Variants in ACACA observed in about 807,000 individuals in gnomAD.
The protein encoded by ACACA is acetyl-CoA carboxylase 1.
ACACA carries 103 observed loss-of-function variants against 296.1 expected under a neutral mutation model. That is an observed-to-expected ratio of 0.35 (90% CI 0.30 to 0.41). The LOEUF is 0.41. ACACA is among the 10% of genes least tolerant of loss of function. The pLI, the probability that ACACA is intolerant of heterozygous loss-of-function variation, is 1.00. For synonymous variants in ACACA, 953 were observed against 1,038.6 expected, an observed-to-expected ratio of 0.92 and a Z score of 1.58; for missense variants, 1,554 against 2,989.7, an observed-to-expected ratio of 0.52 and a Z score of 11.20.
chr17:37,238,918 C>T (rs1222528305), intron 24 of ACACA, among the ~76,000 whole-genome samples: 1 of 152,178 alleles, frequency 6.6e-6, no homozygotes, highest in Admixed American at 6.5e-5. Context: ...CCTTGAATCC[C>T]TGGGCTCAGG....
At chr17:37,105,060 C>T (rs958283447) in intron 52 of ACACA, among the ~76,000 whole-genome samples, 3 of 151,414 alleles carry the variant, frequency 2.0e-5, no homozygotes, top group Non-Finnish European at 2.9e-5. Context: ...AGGAGAAGGT[C>T]AGCCCTAGTC....
chr17:37,376,835 A>G (rs1000176942), intron 1 of ACACA, among the ~76,000 whole-genome samples: 26 of 152,076 alleles, frequency 1.7e-4, no homozygotes, highest in African/African-American at 6.0e-4. Context: ...TGCACCTGTA[A>G]TCTCAGCTAC....
intron 3 of ACACA, among the ~76,000 whole-genome samples, chr17:37,298,706 T>C (rs1471784856): frequency 6.6e-6 from 1 of 152,178 alleles, no homozygotes; most frequent in Non-Finnish European, 1.5e-5. Flanking sequence ...GGTGCAGACC[T>C]GCAAGAGGCC....
intron 3 of ACACA, among the ~76,000 whole-genome samples, chr17:37,293,528 T>A (rs910894326): frequency 1.3e-5 from 2 of 149,258 alleles, no homozygotes; most frequent in Admixed American, 6.7e-5. Context: ...GCATCAAAAA[T>A]AATTTTAGGA....
chr17:37,365,039 G>C (rs2049558131), intron 1 of ACACA, among the ~76,000 whole-genome samples: 1 of 152,056 alleles, frequency 6.6e-6, no homozygotes, highest in Non-Finnish European at 1.5e-5. Flanking sequence ...GTAGCGTGCT[G>C]TCAGATCACT....
chr17:37,339,420 C>T (rs1450386423), intron 2 of ACACA, among the ~76,000 whole-genome samples: 2 of 152,208 alleles, frequency 1.3e-5, no homozygotes, highest in African/African-American at 4.8e-5. Context: ...TTTCACTAAA[C>T]GGTTACATAG....
At chr17:37,379,410 G>A (rs781164698) in intron 1 of ACACA, 5 of 1,603,578 alleles carry the variant, frequency 3.1e-6, no homozygotes, top group Non-Finnish European at 1.7e-6. Flanking sequence ...GAAGGGGGCA[G>A]GCACTAACTT....
intron 1 of ACACA, among the ~76,000 whole-genome samples, chr17:37,397,715 A>G (rs995076929): frequency 6.6e-6 from 1 of 152,052 alleles, no homozygotes; most frequent in African/African-American, 2.4e-5. Flanking sequence ...ATTTCCCTCA[A>G]TCTGAACTTC....
At chr17:37,093,065 AG>A (rs1158864115) in intron 54 of ACACA, among the ~76,000 whole-genome samples, 2 of 152,170 alleles carry the variant, frequency 1.3e-5, no homozygotes, top group Non-Finnish European at 2.9e-5. Context: ...AACACTTTCC[AG>A]GTTCTACCTT....
intron 45 of ACACA, among the ~76,000 whole-genome samples, chr17:37,149,195 T>A (rs1267194167): frequency 6.6e-6 from 1 of 152,190 alleles, no homozygotes; most frequent in Non-Finnish European, 1.5e-5. Context: ...AAATCTTTCT[T>A]TGGAAGGGAA....
chr17:37,347,917 AT>A (rs758397732), intron 1 of ACACA, among the ~76,000 whole-genome samples: 42 of 152,264 alleles, frequency 2.8e-4, no homozygotes, highest in Non-Finnish European at 5.6e-4. Context: ...CATGCCTGTA[AT>A]CCTAGCACTT....
rs536365376 is a variant in ACACA, at chr17:37,254,741, T to C, written c.1827-1705A>G. Among the ~76,000 whole-genome samples the C allele has an allele frequency of 6.6e-5, 10 of 152,074 alleles. No individual in the cohort carries two copies. In the East Asian group the frequency reaches 1.5e-3, roughly 23 times the overall value. ...GCTCACACCTGTTATCCCAGCACTT[T>C]GGGAGGCCGAGTTGGGCAGATCACT... On this transcript the variant is annotated intron_variant, in intron 14 of 55. Transcript: ENST00000616317.
In ACACA at chr17:37,390,731, T is replaced by G. The variant is rs1274515627; in HGVS notation, c.38+15531A>C. Among the ~76,000 whole-genome samples the G allele has an allele frequency of 6.7e-5, 10 of 149,350 alleles. 1 individual carries two copies. Among genetic ancestry groups the G allele is most frequent in the Admixed American group, 4.7e-4 (7 of 14,888 alleles). ...TCACTTGGGCTCAGGAATTGAAGTC[T>G]GCAATGAGCTATGATCGAGCCACTG... On this transcript the variant is annotated intron_variant, in intron 1 of 55. Transcript: ENST00000616317.
Position 37,257,879 on chromosome 17 carries a change from A to G in ACACA, c.1663-13T>C. 6.2e-7 allele frequency: 1 copy of G among 1,613,740 alleles called. No homozygotes were observed. The highest frequency in any genetic ancestry group is 8.5e-7 in the Non-Finnish European group (1 of 1,179,682). Reference sequence around the variant, plus strand: ...TGGGCTTAAAACCCTGTTAGAGAATAAAGAATGAGAGACCATATTATGTTT... The same window carrying G: ...TGGGCTTAAAACCCTGTTAGAGAATGAAGAATGAGAGACCATATTATGTTT... On this transcript the variant is annotated splice_polypyrimidine_tract_variant and intron_variant, in intron 13 of 55. Transcript: ENST00000616317.
chr17:37,267,969 C>G (rs2081869835), intron 10 of ACACA, among the ~76,000 whole-genome samples: 1 of 152,118 alleles, frequency 6.6e-6, no homozygotes, highest in Non-Finnish European at 1.5e-5. Flanking sequence ...TCATGTTGGC[C>G]AGGCTGGTCT....
chr17:37,291,206 G>A (rs1002126127), intron 3 of ACACA, among the ~76,000 whole-genome samples: 3 of 134,012 alleles, frequency 2.2e-5, no homozygotes, highest in Non-Finnish European at 4.6e-5. Context: ...ATGGAGTTTC[G>A]CTCTTGTTGC....
intron 41 of ACACA, among the ~76,000 whole-genome samples, chr17:37,170,127 T>C (rs2076830830): frequency 6.6e-6 from 1 of 152,134 alleles, no homozygotes; most frequent in Non-Finnish European, 1.5e-5. Context: ...GCAGGTTTAT[T>C]AGGTTTAGGG....
At position 37,097,104 on chromosome 17, in the gene ACACA, C is replaced by A; in HGVS notation, c.6783G>T (p.Leu2261=). ...GGATTTTCTTCTTGACCAGGTCCTC[C>A]AGCAGAAGACGCCTCAGCCGCCAGT... The part of the protein sequence containing the change: ...FFYWRLRRLL[L]EDLVKKKIHN... The change falls in exon 54 of 56, where the codon CTG becomes CTT. Residue 2261 remains leucine, a synonymous_variant. Transcript: ENST00000616317. This position sits in a 1 kb window ranked among gnomAD's most constrained non-coding sequence, Gnocchi z 4.8. 6.2e-7 allele frequency: 1 copy of A among 1,614,072 alleles called. No individual in the cohort carries two copies. Among genetic ancestry groups the A allele is most frequent in the Non-Finnish European group, 8.5e-7 (1 of 1,180,028 alleles).
intron 46 of ACACA, 101 bp from the exon 47 acceptor site, chr17:37,129,586 T>C: frequency 4.0e-6 from 6 of 1,486,466 alleles, no homozygotes; most frequent in African/African-American, 1.4e-5. Flanking sequence ...GGCCCACGTA[T>C]GGAATTGCAC....
Sources: allele counts gnomAD v4.1 joint callset (sites outside exome capture counted in the v4.1 genomes callset), GRCh38; gene constraint gnomAD v4.1.1; non-coding constraint Gnocchi (gnomAD v3.1); transcripts MANE v1.5; gene names NCBI Gene and HGNC (gene_info 2026-07-23, HGNC 2026-07-21).